Variants in AASS observed in about 807,000 individuals in gnomAD.
AASS encodes the protein aminoadipate-semialdehyde synthase, also known as alpha-aminoadipic semialdehyde synthase, mitochondrial.
In AASS, 86 loss-of-function variants were observed where a neutral mutation model predicts 105.4. That is an observed-to-expected ratio of 0.82 (90% CI 0.69 to 0.98). The LOEUF is 0.98. Among genes scored for constraint, AASS ranks in the 50% least tolerant of loss-of-function variants. The pLI is 0.00. For missense variants in AASS, 1,048 were observed against 1,143.2 expected (o/e 0.92, Z 1.20); for synonymous variants, 381 against 394.8 (o/e 0.96, Z 0.41).
intron 4 of AASS, among the ~76,000 whole-genome samples, chr7:122,122,075 C>T (rs78145328): frequency 0.023 from 3,460 of 152,124 alleles, 137 homozygotes; most frequent in African/African-American, 0.078. Flanking sequence ...TCCCTTTTCC[C>T]ATTTATTTTC....
chr7:122,078,505 G>A (rs1275704537), intron 22 of AASS, among the ~76,000 whole-genome samples: 1 of 151,132 alleles, frequency 6.6e-6, no homozygotes, highest in Non-Finnish European at 1.5e-5. Flanking sequence ...CCAGCTACTC[G>A]GGAGGCTGAG....
chr7:122,128,880 G>A (rs905046528), intron 3 of AASS, among the ~76,000 whole-genome samples: 6 of 152,156 alleles, frequency 3.9e-5, no homozygotes, highest in East Asian at 1.9e-4. Flanking sequence ...AGATTGAGAC[G>A]ATCCTGGCTA....
At chr7:122,124,289 T>C (rs1412730886) in intron 4 of AASS, among the ~76,000 whole-genome samples, 1 of 152,120 alleles carries the variant, frequency 6.6e-6, no homozygotes, top group East Asian at 1.9e-4. Flanking sequence ...TGTGTTTGTT[T>C]GTTTGTTTTT....
intron 3 of AASS, among the ~76,000 whole-genome samples, 200 bp downstream of exon 3, chr7:122,129,161 T>C (rs1004144278): frequency 6.6e-6 from 1 of 152,166 alleles, no homozygotes; most frequent in Admixed American, 6.5e-5. Context: ...TATTTGATAG[T>C]ATATGGCCAA....
intron 13 of AASS, 90 bp from the exon 14 acceptor site, chr7:122,098,956 T>C: frequency 2.3e-6 from 3 of 1,321,666 alleles, no homozygotes; most frequent in Non-Finnish European, 3.0e-6. Flanking sequence ...CCACAAATCA[T>C]ACTAAAACCT....
At chr7:122,115,821 A>G (rs559066589) in intron 8 of AASS, among the ~76,000 whole-genome samples, 29 of 152,314 alleles carry the variant, frequency 1.9e-4, no homozygotes, top group African/African-American at 5.5e-4. Flanking sequence ...TAGATTCCAA[A>G]TTTTTCAGTT....
intron 11 of AASS, among the ~76,000 whole-genome samples, chr7:122,103,294 G>A (rs1333671095): frequency 6.6e-6 from 1 of 152,020 alleles, no homozygotes; most frequent in Non-Finnish European, 1.5e-5. Flanking sequence ...GGCCAGGAGA[G>A]AATGGGATGA....
intron 11 of AASS, among the ~76,000 whole-genome samples, chr7:122,112,342 C>T (rs1257080987): frequency 1.3e-5 from 2 of 152,154 alleles, no homozygotes; most frequent in East Asian, 1.9e-4. Flanking sequence ...GCTACATCTC[C>T]CTGTTGACAT....
At chr7:122,101,833 G>T (rs1302884862) in intron 11 of AASS, among the ~76,000 whole-genome samples, 153 bp from the exon 12 acceptor site, 1 of 151,738 alleles carries the variant, frequency 6.6e-6, no homozygotes, top group Non-Finnish European at 1.5e-5. Context: ...GCTAATAGAA[G>T]TCTTCTACAA....
At position 122,086,048 on chromosome 7, in the gene AASS, A is replaced by G. The variant is rs1356273286; in HGVS notation, c.2148T>C (p.Ser716=). The G allele has an allele frequency of 4.3e-6, 7 of 1,613,716 alleles. No individual in the cohort carries two copies. The highest frequency in any genetic ancestry group is 1.7e-4 in the Middle Eastern group (1 of 6,056). ...TKYAEIYGIS[S]AHTLLRGTLR... ...GTGTCCCCCGCAACAAAGTGTGAGCAGAAGAAATGCCATAAATCTCAGCAT... is the reference window on the plus strand; with the variant it reads ...GTGTCCCCCGCAACAAAGTGTGAGCGGAAGAAATGCCATAAATCTCAGCAT... Residue 716 remains serine (S), a synonymous_variant, in exon 19 of 24, where the codon TCT becomes TCC. Transcript: ENST00000417368.
Position 122,076,177 on chromosome 7 carries a change from AAAC to A in AASS, c.*309_*311del, listed in dbSNP as rs912684626. The A allele has an allele frequency of 4.9e-5, 15 of 305,324 alleles. No homozygotes were observed. Among genetic ancestry groups the A allele is most frequent in the African/African-American group, 2.2e-4 (10 of 44,936 alleles). The allele number at this position is 305,324 out of a possible 1,614,324, so 18.9% of individuals were successfully genotyped here. A position where few individuals can be genotyped will look rare whatever the true frequency, so the allele number is the denominator to read the frequency against. On this transcript the variant is annotated 3_prime_UTR_variant, in exon 24 of 24. Transcript: ENST00000417368. ...TGACAGAGCGAGACTCCATCTCAAAAAACAACAACAACAAAAAAAAAACAAAAG... is the reference window on the plus strand; with the variant it reads ...TGACAGAGCGAGACTCCATCTCAAAAAACAACAACAAAAAAAAAACAAAAG...
chr7:122,074,558 A>G lies in AASS; in HGVS notation c.*1931T>C, dbSNP rs1419408047. ...TTTAAGAAATCATTGCCTAATTCAA[A>G]GTCAGAAAGATTTACGCCATGTTTT... On this transcript the variant is annotated 3_prime_UTR_variant, in exon 24 of 24. Transcript: ENST00000417368. 6.6e-6 allele frequency among the ~76,000 whole-genome samples: 1 copy of G among 152,196 alleles called. No homozygotes were observed. The highest frequency in any genetic ancestry group is 1.9e-4 in the East Asian group (1 of 5,198).
In AASS at chr7:122,090,411, C is replaced by T. The variant is rs182194899; in HGVS notation, c.2016+1292G>A. Among the ~76,000 whole-genome samples the T allele has an allele frequency of 1.1e-4, 16 of 152,212 alleles. 1 individual carries two copies. In the East Asian group the frequency reaches 2.9e-3, roughly 28 times the overall value. On this transcript the variant is annotated intron_variant, in intron 18 of 23. Coordinates refer to ENST00000417368, the MANE Select transcript of AASS (RefSeq NM_005763.4). ...ATGAGGCGCTGGTACTTTTTAAACTCCCCTTGTAATTCCAAGCCAAGTATG... is the reference window on the plus strand; with the variant it reads ...ATGAGGCGCTGGTACTTTTTAAACTTCCCTTGTAATTCCAAGCCAAGTATG...
intron 1 of AASS, among the ~76,000 whole-genome samples, chr7:122,135,793 C>T (rs189662851): frequency 2.3e-4 from 35 of 152,150 alleles, no homozygotes; most frequent in African/African-American, 7.5e-4. Context: ...GGAAATAATA[C>T]TTTAAACCAA....
intron 1 of AASS, among the ~76,000 whole-genome samples, chr7:122,135,017 C>T (rs1247290149): frequency 1.3e-5 from 2 of 152,082 alleles, no homozygotes; most frequent in Non-Finnish European, 2.9e-5. Flanking sequence ...AGCAAACTAT[C>T]ACAAGGACAG....
intron 18 of AASS, among the ~76,000 whole-genome samples, chr7:122,089,674 G>A (rs376184345): frequency 6.6e-6 from 1 of 152,114 alleles, no homozygotes; most frequent in African/African-American, 2.4e-5. Context: ...TAAGAACACT[G>A]GAAGGCTGGC....
intron 11 of AASS, among the ~76,000 whole-genome samples, chr7:122,111,689 G>T (rs1237437741): frequency 6.6e-6 from 1 of 152,088 alleles, no homozygotes; most frequent in African/African-American, 2.4e-5. Flanking sequence ...GGATCACGAG[G>T]TCAGGAGTTC....
At chr7:122,107,970 C>T in intron 11 of AASS, among the ~76,000 whole-genome samples, 1 of 131,988 alleles carries the variant, frequency 7.6e-6, no homozygotes, top group South Asian at 2.4e-4. Flanking sequence ...AAAAAAAACA[C>T]AGATGAAAAA....
chr7:122,103,055 G>GT (rs1794504286), intron 11 of AASS, among the ~76,000 whole-genome samples: 1 of 151,906 alleles, frequency 6.6e-6, no homozygotes, highest in South Asian at 2.1e-4. Context: ...GTGAATATAA[G>GT]TTTTTGATAA....
Sources: gnomAD v4.1 joint callset for allele counts (sites outside exome capture counted in the v4.1 genomes callset) on GRCh38, gnomAD v4.1.1 for gene constraint, MANE v1.5 for transcripts, NCBI Gene and HGNC (gene_info 2026-07-23, HGNC 2026-07-21) for gene names.